PDE10A: variants seen among roughly 807,000 people sequenced by gnomAD.
PDE10A encodes the protein cAMP and cAMP-inhibited cGMP 3',5'-cyclic phosphodiesterase 10A.
Under a neutral mutation model 97.7 loss-of-function variants are expected in PDE10A, and 39 were observed. That is an observed-to-expected ratio of 0.40 (90% CI 0.31 to 0.52). The LOEUF (loss-of-function observed/expected upper bound fraction) is 0.52, where lower values mean the gene tolerates loss of function less well. Among genes scored for constraint, PDE10A ranks in the 20% least tolerant of loss-of-function variants. The probability of loss-of-function intolerance (pLI) is 0.56; values close to 1 mark genes in which losing one functional copy is unlikely to be tolerated. For missense variants in PDE10A, 731 were observed against 1,047.8 expected, an observed-to-expected ratio of 0.70 and a Z score of 4.17; for synonymous variants, 371 against 376.8, an observed-to-expected ratio of 0.98 and a Z score of 0.18.
chr6:165,482,126 A>C (rs1169692632), intron 3 of PDE10A, among the ~76,000 whole-genome samples, 189 bp downstream of exon 3: 2 of 152,226 alleles, frequency 1.3e-5, no homozygotes, highest in Admixed American at 1.3e-4. Flanking sequence ...TGCCGTACTC[A>C]GTCTTGAGGC....
At chr6:165,609,877 G>A (rs1402159608) in intron 1 of PDE10A, among the ~76,000 whole-genome samples, 1 of 152,128 alleles carries the variant, frequency 6.6e-6, no homozygotes, top group East Asian at 1.9e-4. Context: ...ACAAATGGAA[G>A]AACATTCCAT....
chr6:165,639,755 A>AG (rs1219402734), intron 1 of PDE10A, among the ~76,000 whole-genome samples: 2 of 150,958 alleles, frequency 1.3e-5, no homozygotes, highest in South Asian at 2.1e-4. Context: ...AAAAAAAAAA[A>AG]AAAGAGAGAG....
chr6:165,776,102 GA>G (rs780992972), intron 1 of PDE10A, among the ~76,000 whole-genome samples: 1 of 151,820 alleles, frequency 6.6e-6, no homozygotes, highest in East Asian at 1.9e-4. Flanking sequence ...CATTTGATGA[GA>G]AAAAAAATAG....
At chr6:165,911,175 C>A (rs1782443755) in intron 1 of PDE10A, among the ~76,000 whole-genome samples, 2 of 152,100 alleles carry the variant, frequency 1.3e-5, no homozygotes, top group African/African-American at 4.8e-5. Context: ...TAATACAACT[C>A]AAAAATTATC....
chr6:165,954,832 G>A (rs938549226), intron 1 of PDE10A, among the ~76,000 whole-genome samples: 3 of 152,058 alleles, frequency 2.0e-5, no homozygotes, highest in African/African-American at 7.2e-5. Flanking sequence ...GGGGAGGCTG[G>A]ACAGGCCAGC....
chr6:165,456,660 C>T (rs985830412), intron 3 of PDE10A, among the ~76,000 whole-genome samples: 1 of 152,154 alleles, frequency 6.6e-6, no homozygotes, highest in Non-Finnish European at 1.5e-5. Flanking sequence ...AATAAGAAGG[C>T]TGAATTATAC....
At chr6:165,416,092 T>C (rs539635414) in intron 12 of PDE10A, 97 bp downstream of exon 12, 51 of 780,386 alleles carry the variant, frequency 6.5e-5, no homozygotes, top group Middle Eastern at 2.3e-4. Context: ...AAGAACTGAA[T>C]TGGGACGTGG....
rs181545110 is a variant in PDE10A, at chr6:165,612,560, G to A, written c.865+49387C>T. Among the ~76,000 whole-genome samples, 361 of 152,176 alleles carry A rather than the reference G, an allele frequency of 2.4e-3. 2 individuals are homozygous for A. Among genetic ancestry groups the A allele is most frequent in the Non-Finnish European group, 3.1e-3 (208 of 68,000 alleles). On this transcript the variant is annotated intron_variant, in intron 1 of 21. Coordinates refer to ENST00000539869, the MANE Select transcript of PDE10A (RefSeq NM_001385079.1). ...ATTTTTGTATTTTCCAGTAGAGACGGGTTTTTGCCATGTTGGCCAGGCTGA... is the reference window on the plus strand; with the variant it reads ...ATTTTTGTATTTTCCAGTAGAGACGAGTTTTTGCCATGTTGGCCAGGCTGA...
intron 13 of PDE10A, among the ~76,000 whole-genome samples, chr6:165,407,190 T>C (rs1006232699): frequency 2.0e-5 from 3 of 152,182 alleles, no homozygotes; most frequent in Non-Finnish European, 4.4e-5. Context: ...ATATTTTATA[T>C]ATAAAATGTA....
At chr6:165,334,469 CCCTACAGCACCGGGCATG>C (rs1311731918) in intron 21 of PDE10A, among the ~76,000 whole-genome samples, 1 of 152,028 alleles carries the variant, frequency 6.6e-6, no homozygotes, top group Non-Finnish European at 1.5e-5. Context: ...CTCCATAGCG[CCCTACAGCACCGGGCATG>C]CACAGTCAGC....
chr6:165,746,298 C>G (rs950009956), intron 1 of PDE10A, among the ~76,000 whole-genome samples: 5 of 152,182 alleles, frequency 3.3e-5, no homozygotes, highest in Non-Finnish European at 7.3e-5. Flanking sequence ...AAGCTTGGAG[C>G]TGGTGTTGAC....
chr6:165,356,781 T>G (rs1783054355), intron 18 of PDE10A, among the ~76,000 whole-genome samples: 1 of 152,202 alleles, frequency 6.6e-6, no homozygotes, highest in South Asian at 2.1e-4. Context: ...CCTGTAAACT[T>G]GCTTAATTCG....
intron 1 of PDE10A, among the ~76,000 whole-genome samples, chr6:165,551,961 G>A (rs963264713): frequency 6.6e-6 from 1 of 151,994 alleles, no homozygotes; most frequent in African/African-American, 2.4e-5. Context: ...CCTCCAGCAT[G>A]CCAAGCCCTT....
chr6:165,943,901 T>C (rs1242776346), intron 1 of PDE10A, among the ~76,000 whole-genome samples: 1 of 152,242 alleles, frequency 6.6e-6, no homozygotes, highest in Non-Finnish European at 1.5e-5. Context: ...CAGCCCTTCC[T>C]GCCACCAACC....
intron 13 of PDE10A, among the ~76,000 whole-genome samples, chr6:165,407,599 G>C (rs542576837): frequency 6.6e-6 from 1 of 152,288 alleles, no homozygotes; most frequent in East Asian, 1.9e-4. Flanking sequence ...ATTCTGGAAC[G>C]AATAAAGGTT....
chr6:165,816,171 A>T (rs1874194), intron 1 of PDE10A, among the ~76,000 whole-genome samples: 2 of 151,842 alleles, frequency 1.3e-5, no homozygotes. Flanking sequence ...GGATGCTCTC[A>T]ATCTCCTGAC....
intron 7 of PDE10A, among the ~76,000 whole-genome samples, chr6:165,432,053 A>G (rs1459247570): frequency 1.3e-5 from 2 of 152,224 alleles, no homozygotes; most frequent in African/African-American, 4.8e-5. Flanking sequence ...CACTCATTCA[A>G]CAAATATTCA....
intron 1 of PDE10A, among the ~76,000 whole-genome samples, chr6:165,815,450 C>A (rs1779382887): frequency 6.6e-6 from 1 of 152,108 alleles, no homozygotes; most frequent in African/African-American, 2.4e-5. Context: ...GAAGAGACAA[C>A]AAAGTCAACC....
At chr6:165,536,022 A>C (rs990653781) in intron 2 of PDE10A, among the ~76,000 whole-genome samples, 5 of 152,090 alleles carry the variant, frequency 3.3e-5, no homozygotes, top group African/African-American at 1.2e-4. Context: ...AATTCTGAGC[A>C]AAAGGAACAA....
Sources: allele counts gnomAD v4.1 joint callset (sites outside exome capture counted in the v4.1 genomes callset), GRCh38; gene constraint gnomAD v4.1.1; transcripts MANE v1.5; gene names NCBI Gene and HGNC (gene_info 2026-07-23, HGNC 2026-07-21).